Variants in ARHGAP6 observed in about 807,000 individuals in gnomAD.
ARHGAP6 encodes the protein Rho GTPase activating protein 6, also known as rho GTPase-activating protein 6.
ARHGAP6 carries 16 observed loss-of-function variants against 55.7 expected under a neutral mutation model. The ratio of observed to expected loss-of-function variants is 0.29; its 90% confidence interval spans 0.19 to 0.44. The LOEUF (loss-of-function observed/expected upper bound fraction) is 0.44, where lower values mean the gene tolerates loss of function less well. Ranked by LOEUF, ARHGAP6 falls within the 20% of genes least tolerant of loss-of-function variation. The pLI is 1.00. For synonymous variants in ARHGAP6, 382 were observed against 360.9 expected (o/e 1.06, Z -0.66); for missense variants, 698 against 808.9 (o/e 0.86, Z 1.66).
At chrX:11,536,094 G>T (rs2051101747) in intron 1 of ARHGAP6, among the ~76,000 whole-genome samples, 1 of 111,642 alleles carries the variant, frequency 9.0e-6, no homozygotes, top group African/African-American at 3.3e-5. Flanking sequence ...TGGGCCAGAG[G>T]CTGGTGAGTG....
At position 11,528,831 on chromosome X, in the gene ARHGAP6, A is replaced by T. The variant is rs771972525; in HGVS notation, c.588+135410T>A. ...CACCAGGTCTCCAAGGCATCCATGC[A>T]TGCATAAACAAACAACCCGAAACTC... On this transcript the variant is annotated intron_variant, in intron 1 of 12. Transcript: ENST00000337414. Among the ~76,000 whole-genome samples, 7 of 111,885 alleles carry T rather than the reference A, an allele frequency of 6.3e-5. No individual in the cohort carries two copies. In the South Asian group the frequency reaches 2.6e-3, roughly 42 times the overall value.
chrX:11,207,484 G>A (rs2046722969), intron 2 of ARHGAP6, among the ~76,000 whole-genome samples: 1 of 112,053 alleles, frequency 8.9e-6, no homozygotes, highest in Non-Finnish European at 1.9e-5. Flanking sequence ...AACAAATTGA[G>A]TAGAACAATT....
intron 1 of ARHGAP6, among the ~76,000 whole-genome samples, chrX:11,615,856 A>G (rs1271789073): frequency 2.7e-5 from 3 of 112,043 alleles, no homozygotes; most frequent in African/African-American, 6.5e-5. Context: ...TTCCCATTGT[A>G]AAGAGGATGA....
At chrX:11,378,936 A>C (rs1245487958) in intron 1 of ARHGAP6, among the ~76,000 whole-genome samples, 1 of 112,532 alleles carries the variant, frequency 8.9e-6, no homozygotes, top group Non-Finnish European at 1.9e-5. Context: ...TCACGGTTTT[A>C]TCAATACTAT....
intron 1 of ARHGAP6, among the ~76,000 whole-genome samples, chrX:11,535,493 G>A (rs1301619748): frequency 8.9e-6 from 1 of 111,858 alleles, no homozygotes; most frequent in Non-Finnish European, 1.9e-5. Context: ...TCAAAATAAT[G>A]AGCCTTCTTG....
At chrX:11,297,963 C>A (rs773812418) in intron 1 of ARHGAP6, 73 of 623,304 alleles carry the variant, frequency 1.2e-4, no homozygotes, top group South Asian at 2.5e-4. Flanking sequence ...CTCCCCATAA[C>A]CTTATCTAAA....
intron 1 of ARHGAP6, among the ~76,000 whole-genome samples, chrX:11,491,973 A>C (rs1334460798): frequency 1.8e-5 from 2 of 108,750 alleles, no homozygotes; most frequent in Admixed American, 2.0e-4. Flanking sequence ...AGTGATGGTA[A>C]GCATTTTTTC....
chrX:11,317,810 C>T (rs1030768404), intron 1 of ARHGAP6, among the ~76,000 whole-genome samples: 7 of 111,354 alleles, frequency 6.3e-5, no homozygotes, highest in African/African-American at 1.3e-4. Flanking sequence ...ATTGCTTATA[C>T]ACTGTTGTTA....
chrX:11,289,239 G>A (rs746434264), intron 1 of ARHGAP6, among the ~76,000 whole-genome samples: 1 of 109,658 alleles, frequency 9.1e-6, no homozygotes. Flanking sequence ...TTTTTGTCTT[G>A]GATTTTATGT....
At chrX:11,488,326 A>G (rs1223349414) in intron 1 of ARHGAP6, among the ~76,000 whole-genome samples, 6 of 111,942 alleles carry the variant, frequency 5.4e-5, no homozygotes, top group East Asian at 2.8e-4. Context: ...ATAAATTATT[A>G]GGAGGGATAG....
chrX:11,325,040 A>G (rs909910742), intron 1 of ARHGAP6, among the ~76,000 whole-genome samples: 2 of 111,354 alleles, frequency 1.8e-5, no homozygotes. Flanking sequence ...TTGTATTTTT[A>G]GTAGAGACGG....
Position 11,555,404 on chromosome X carries a change from G to A in ARHGAP6, c.588+108837C>T, listed in dbSNP as rs947133396. Among the ~76,000 whole-genome samples the A allele has an allele frequency of 4.5e-5, 5 of 111,130 alleles. No individual in the cohort carries two copies. In the Admixed American group the frequency reaches 4.8e-4, roughly 11 times the overall value. ...GGAGAGAGGGGTGCACAGTGGTCAG[G>A]GGAGGCCTCTCTGAGAAGCGGACAT... On this transcript the variant is annotated intron_variant, in intron 1 of 12. Coordinates refer to ENST00000337414, the MANE Select transcript of ARHGAP6 (RefSeq NM_013427.3).
chrX:11,248,860 G>A (rs1359865214), intron 2 of ARHGAP6, among the ~76,000 whole-genome samples: 3 of 111,851 alleles, frequency 2.7e-5, no homozygotes, highest in East Asian at 2.8e-4. Context: ...ACAGGGTGGA[G>A]AGTCCTTAAA....
At chrX:11,213,066 T>C (rs770624853) in intron 2 of ARHGAP6, among the ~76,000 whole-genome samples, 2 of 112,339 alleles carry the variant, frequency 1.8e-5, no homozygotes, top group East Asian at 5.7e-4. Context: ...ATATTCCAGC[T>C]CCTCATCCTG....
intron 1 of ARHGAP6, among the ~76,000 whole-genome samples, chrX:11,515,079 C>A (rs1479714989): frequency 2.7e-5 from 3 of 111,808 alleles, no homozygotes; most frequent in Non-Finnish European, 3.8e-5. Context: ...AGGGTGTACA[C>A]AGGCTCAGCA....
chrX:11,534,578 G>A (rs1411913806), intron 1 of ARHGAP6, among the ~76,000 whole-genome samples: 1 of 109,541 alleles, frequency 9.1e-6, no homozygotes, highest in Admixed American at 9.7e-5. Flanking sequence ...TGTCTTCTCG[G>A]GGGCAAAATC....
chrX:11,609,375 G>A (rs954438273), intron 1 of ARHGAP6, among the ~76,000 whole-genome samples: 1 of 111,951 alleles, frequency 8.9e-6, no homozygotes, highest in African/African-American at 3.3e-5. Flanking sequence ...GAAACCAGAA[G>A]GAACACACCT....
chrX:11,348,735 G>A (rs932109768), intron 1 of ARHGAP6, among the ~76,000 whole-genome samples: 3 of 111,253 alleles, frequency 2.7e-5, no homozygotes, highest in East Asian at 2.8e-4. Flanking sequence ...CTGAAGCCTC[G>A]ACCTCCTAGG....
In ARHGAP6 at chrX:11,195,611, T is replaced by C. The variant is rs138968611; in HGVS notation, c.820+1314A>G. ...TTCACTTACAAGTGGGAGCTAAACA[T>C]GTTCATATGGACACAAAGAAGGGAA... On this transcript the variant is annotated intron_variant, in intron 3 of 12. Transcript: ENST00000337414. Among the ~76,000 whole-genome samples the C allele has an allele frequency of 6.8e-3, 751 of 110,367 alleles. 7 individuals carry two copies. Among genetic ancestry groups the C allele is most frequent in the African/African-American group, 0.023 (695 of 30,260 alleles).
Sources: allele counts gnomAD v4.1 joint callset (sites outside exome capture counted in the v4.1 genomes callset), GRCh38; gene constraint gnomAD v4.1.1; transcripts MANE v1.5; gene names NCBI Gene and HGNC (gene_info 2026-07-23, HGNC 2026-07-21).